Variants in SYT9 observed in about 807,000 individuals in gnomAD.
The protein encoded by SYT9 is synaptotagmin 9.
SYT9 carries 22 observed loss-of-function variants against 48.4 expected under a neutral mutation model. The ratio of observed to expected loss-of-function variants is 0.45; its 90% CI spans 0.32 to 0.65. SYT9 has a LOEUF of 0.65. Among genes scored for constraint, SYT9 ranks in the 30% least tolerant of loss-of-function variants. The pLI, the probability that SYT9 is intolerant of heterozygous loss-of-function variation, is 0.03. For missense variants in SYT9, 577 were observed against 622.0 expected (o/e 0.93, Z 0.77); for synonymous variants, 265 against 245.0 (o/e 1.08, Z -0.76).
intron 3 of SYT9, among the ~76,000 whole-genome samples, chr11:7,404,747 A>G (rs1332818062): frequency 6.6e-6 from 1 of 152,182 alleles, no homozygotes; most frequent in African/African-American, 2.4e-5. Flanking sequence ...GCTTTGGTCA[A>G]CCTGAATTCC....
chr11:7,278,622 G>A (rs569850855), intron 1 of SYT9, among the ~76,000 whole-genome samples: 1 of 152,260 alleles, frequency 6.6e-6, no homozygotes, highest in South Asian at 2.1e-4. Context: ...TATTTGACTT[G>A]ATTTAGTTGA....
At chr11:7,446,742 C>T (rs982430186) in intron 6 of SYT9, among the ~76,000 whole-genome samples, 1 of 152,200 alleles carries the variant, frequency 6.6e-6, no homozygotes, top group Non-Finnish European at 1.5e-5. Context: ...AAGACCAATA[C>T]CCTCATTTCT....
chr11:7,390,766 A>G (rs1443197153), intron 3 of SYT9, among the ~76,000 whole-genome samples: 1 of 152,232 alleles, frequency 6.6e-6, no homozygotes, highest in African/African-American at 2.4e-5. Flanking sequence ...TCAAGGCAAT[A>G]AAGCTACAAG....
rs1847878268 is a variant in SYT9 at position 7,252,098 on chromosome 11, C to T, written c.-89C>T. On this transcript the variant is annotated 5_prime_UTR_variant, in exon 1 of 7. The change creates a new upstream start codon in the 5' untranslated region. Transcript: ENST00000318881. This position sits in a 1 kb window ranked among gnomAD's most constrained non-coding sequence, Gnocchi z 6.3. ...GCAGGTCCCTGGCGGTGAGCGCGGA[C>T]GGCCCGGAGGCGGCGGCTCTGAGCT... The T allele has an allele frequency of 3.1e-6, 4 of 1,291,294 alleles. No homozygotes were observed. The highest frequency in any genetic ancestry group is 3.9e-6 in the Non-Finnish European group (4 of 1,013,648). 80.0% of individuals were successfully genotyped at this position (1,291,294 alleles called of 1,614,324 possible). A position where few individuals can be genotyped will look rare whatever the true frequency, so the allele number is the denominator to read the frequency against.
chr11:7,382,616 C>T (rs188904165), intron 3 of SYT9, among the ~76,000 whole-genome samples: 3 of 152,246 alleles, frequency 2.0e-5, no homozygotes, highest in Admixed American at 2.0e-4. Context: ...GAGTCATTCA[C>T]ATATAAATGG....
chr11:7,413,788 G>C (rs140480806), intron 3 of SYT9, among the ~76,000 whole-genome samples: 204 of 148,830 alleles, frequency 1.4e-3, no homozygotes, highest in African/African-American at 4.9e-3. Flanking sequence ...TTAAGAGACA[G>C]CATCTTGCTA....
chr11:7,437,018 T>C (rs1385299540), intron 6 of SYT9, among the ~76,000 whole-genome samples: 2 of 152,258 alleles, frequency 1.3e-5, no homozygotes, highest in Non-Finnish European at 2.9e-5. Context: ...TAATATCTGG[T>C]GAAAGCAGTG....
chr11:7,425,896 G>A (rs1220109497), intron 6 of SYT9, among the ~76,000 whole-genome samples: 2 of 152,122 alleles, frequency 1.3e-5, no homozygotes, highest in African/African-American at 4.8e-5. Context: ...ATGTCTCAGT[G>A]TCTCTGAGAA....
chr11:7,388,664 T>G (rs1850705999), intron 3 of SYT9, among the ~76,000 whole-genome samples: 2 of 152,318 alleles, frequency 1.3e-5, no homozygotes, highest in Non-Finnish European at 2.9e-5. Flanking sequence ...GTTTTGAAAT[T>G]TATTATTTTT....
chr11:7,367,374 C>T (rs1313301361), intron 3 of SYT9, among the ~76,000 whole-genome samples: 9 of 151,934 alleles, frequency 5.9e-5, no homozygotes, highest in African/African-American at 2.2e-4. Flanking sequence ...AGCCACCGCG[C>T]CCGGCCTTCC....
chr11:7,454,568 T>C (rs1382019432), intron 6 of SYT9, among the ~76,000 whole-genome samples: 1 of 151,860 alleles, frequency 6.6e-6, no homozygotes, highest in African/African-American at 2.4e-5. Flanking sequence ...AAAAATTCTA[T>C]AGCCAGGGAA....
chr11:7,380,254 G>A (rs367807411), intron 3 of SYT9, among the ~76,000 whole-genome samples: 213 of 152,162 alleles, frequency 1.4e-3, no homozygotes, highest in African/African-American at 5.1e-3. Context: ...TTGAACTCAT[G>A]GAGATAGAAA....
chr11:7,332,243 G>C (rs1426542804), intron 3 of SYT9, among the ~76,000 whole-genome samples: 1 of 152,222 alleles, frequency 6.6e-6, no homozygotes, highest in Non-Finnish European at 1.5e-5. Context: ...CCCACCCTGA[G>C]ACGAGGGGGC....
intron 6 of SYT9, among the ~76,000 whole-genome samples, chr11:7,458,163 T>A (rs1848179840): frequency 1.3e-5 from 2 of 152,218 alleles, no homozygotes; most frequent in South Asian, 4.1e-4. Flanking sequence ...ATGTATTATG[T>A]TATAGTGAAG....
chr11:7,466,728 A>AG (rs1230138299), intron 6 of SYT9, 64 bp from the exon 7 acceptor site: 6 of 1,558,784 alleles, frequency 3.8e-6, no homozygotes, highest in Non-Finnish European at 5.2e-6. Context: ...CTCAAAAAAA[A>AG]AAAAAAAAGA....
intron 2 of SYT9, among the ~76,000 whole-genome samples, chr11:7,304,155 G>T (rs980496651): frequency 2.0e-5 from 3 of 152,344 alleles, no homozygotes; most frequent in African/African-American, 7.2e-5. Context: ...AGATAGTACT[G>T]ATTTGTAGGT....
At chr11:7,459,546 T>A (rs957211108) in intron 6 of SYT9, among the ~76,000 whole-genome samples, 9 of 152,232 alleles carry the variant, frequency 5.9e-5, no homozygotes, top group Admixed American at 1.3e-4. Context: ...AAATGAAGAT[T>A]AAGAACTGAC....
chr11:7,433,391 A>G (rs1184737353), intron 6 of SYT9, among the ~76,000 whole-genome samples: 4 of 152,236 alleles, frequency 2.6e-5, no homozygotes, highest in South Asian at 2.1e-4. Flanking sequence ...TTGACTATAA[A>G]TTTTAAAATA....
intron 3 of SYT9, among the ~76,000 whole-genome samples, chr11:7,322,654 G>A (rs989078007): frequency 1.3e-5 from 2 of 152,144 alleles, no homozygotes; most frequent in Admixed American, 6.5e-5. Flanking sequence ...AGGGTGCCAG[G>A]ACAAAGTGTT....
Sources: allele counts gnomAD v4.1 joint callset (sites outside exome capture counted in the v4.1 genomes callset), GRCh38; gene constraint gnomAD v4.1.1; non-coding constraint Gnocchi (gnomAD v3.1); transcripts MANE v1.5; gene names NCBI Gene and HGNC (gene_info 2026-07-23, HGNC 2026-07-21).